The following MYO5B variants were observed in gnomAD, a reference collection of about 807,000 sequenced individuals.
MYO5B encodes the protein myosin VB.
In MYO5B, 143 loss-of-function variants were observed where a neutral mutation model predicts 229.3. The ratio of observed to expected loss-of-function variants is 0.62; its 90% confidence interval spans 0.54 to 0.72. MYO5B has a LOEUF of 0.72. Ranked by LOEUF, MYO5B falls within the 30% of genes least tolerant of loss-of-function variation. The probability of loss-of-function intolerance (pLI) is 0.00; values close to 1 mark genes in which losing one functional copy is unlikely to be tolerated. For synonymous variants in MYO5B, 918 were observed against 885.2 expected (o/e 1.04, Z -0.66); for missense variants, 2,321 against 2,331.0 (o/e 1.00, Z 0.09).
intron 13 of MYO5B, 102 bp downstream of exon 13, chr18:49,954,211 T>C: frequency 1.3e-6 from 2 of 1,549,074 alleles, no homozygotes; most frequent in East Asian, 2.3e-5. Flanking sequence ...CTTCAGGCCA[T>C]TTGAATTCAG....
chr18:49,878,868 T>C (rs769447213), intron 24 of MYO5B, 77 bp downstream of exon 24: 46 of 1,533,686 alleles, frequency 3.0e-5, no homozygotes, highest in Non-Finnish European at 3.8e-5. Flanking sequence ...CAGAAAGCAG[T>C]GCCTGAGATC....
intron 1 of MYO5B, among the ~76,000 whole-genome samples, chr18:50,133,738 CA>C (rs1436848261): frequency 6.6e-6 from 1 of 152,124 alleles, no homozygotes; most frequent in Non-Finnish European, 1.5e-5. Context: ...GGCACTTGGT[CA>C]AAACACAAAG....
intron 35 of MYO5B, 105 bp downstream of exon 35, chr18:49,841,260 A>G (rs1373442179): frequency 9.4e-7 from 1 of 1,063,558 alleles, no homozygotes; most frequent in Non-Finnish European, 1.5e-6. Flanking sequence ...GAGGTCCCCA[A>G]GGGTGCTCCA....
intron 4 of MYO5B, among the ~76,000 whole-genome samples, chr18:50,029,744 A>T (rs543757029): frequency 5.3e-5 from 8 of 152,262 alleles, no homozygotes; most frequent in Admixed American, 4.6e-4. Context: ...TGTTCCCCTC[A>T]AAGTGTGAAG....
intron 1 of MYO5B, among the ~76,000 whole-genome samples, chr18:50,149,222 A>G (rs374353640): frequency 5.5e-4 from 84 of 152,038 alleles, no homozygotes; most frequent in African/African-American, 1.5e-3. Flanking sequence ...ATGCTCATGG[A>G]TAGGAAGAAT....
chr18:50,125,207 G>T (rs886856600), intron 1 of MYO5B, among the ~76,000 whole-genome samples: 1 of 152,062 alleles, frequency 6.6e-6, no homozygotes, highest in Non-Finnish European at 1.5e-5. Context: ...ACTGAACAAT[G>T]AATGTTAAGA....
chr18:50,018,185 A>T, intron 4 of MYO5B, among the ~76,000 whole-genome samples: 1 of 152,160 alleles, frequency 6.6e-6, no homozygotes. Context: ...CCTGGCTTCA[A>T]GCAATCTCCT....
chr18:50,169,299 C>A (rs1364509803), intron 1 of MYO5B, among the ~76,000 whole-genome samples: 1 of 126,840 alleles, frequency 7.9e-6, no homozygotes, highest in Admixed American at 8.5e-5. Context: ...AAGACCTTGT[C>A]TCAAAAAAGA....
chr18:50,024,646 G>A (rs962812897), intron 4 of MYO5B, among the ~76,000 whole-genome samples: 1 of 152,150 alleles, frequency 6.6e-6, no homozygotes, highest in African/African-American at 2.4e-5. Context: ...TGTAATAGGG[G>A]CAGGAGCCAG....
chr18:49,863,214 G>C lies in MYO5B; in HGVS notation c.3944+13C>G. 1 of 1,607,006 alleles carries C rather than the reference G, an allele frequency of 6.2e-7. No homozygotes were observed. Among genetic ancestry groups the C allele is most frequent in the Non-Finnish European group, 8.5e-7 (1 of 1,175,042 alleles). On this transcript the variant is annotated intron_variant, in intron 29 of 39. Transcript: ENST00000285039. ...GCGGCCTCGTCCAGCACATTTGACC[G>C]CGGCGGCCTTACCTGTTTGTCTGGC...
chr18:50,192,486 C>G (rs913544357), intron 1 of MYO5B, among the ~76,000 whole-genome samples: 1 of 152,158 alleles, frequency 6.6e-6, no homozygotes, highest in Non-Finnish European at 1.5e-5. Context: ...AGCCATTTTG[C>G]TTGTTGTCTT....
At chr18:50,048,657 C>A (rs1031678318) in intron 2 of MYO5B, among the ~76,000 whole-genome samples, 9 of 152,172 alleles carry the variant, frequency 5.9e-5, no homozygotes, top group African/African-American at 9.7e-5. Context: ...ATGAAGGTAT[C>A]ATCTCTGCCA....
chr18:49,965,364 G>A (rs1361819828), intron 10 of MYO5B, among the ~76,000 whole-genome samples: 1 of 152,118 alleles, frequency 6.6e-6, no homozygotes, highest in Non-Finnish European at 1.5e-5. Flanking sequence ...AGGCTGAGGG[G>A]TGAGAAGGGC....
chr18:50,184,487 G>A (rs2144353615), intron 1 of MYO5B, among the ~76,000 whole-genome samples: 1 of 152,274 alleles, frequency 6.6e-6, no homozygotes, highest in East Asian at 1.9e-4. Flanking sequence ...GTAGAACACA[G>A]TGGTCAGAAG....
intron 23 of MYO5B, among the ~76,000 whole-genome samples, chr18:49,879,726 G>A (rs1336111533): frequency 6.6e-6 from 1 of 152,206 alleles, no homozygotes; most frequent in African/African-American, 2.4e-5. Context: ...GTGAGTTGAA[G>A]CAGAAACTGG....
At chr18:49,979,218 C>T (rs930201411) in intron 9 of MYO5B, among the ~76,000 whole-genome samples, 1 of 152,176 alleles carries the variant, frequency 6.6e-6, no homozygotes, top group Non-Finnish European at 1.5e-5. Flanking sequence ...AAGGTGAGCA[C>T]CCACACAGGT....
intron 14 of MYO5B, among the ~76,000 whole-genome samples, chr18:49,941,018 A>G (rs958731085): frequency 3.9e-5 from 6 of 152,328 alleles, no homozygotes; most frequent in Admixed American, 1.3e-4. Flanking sequence ...AGAAATTAAC[A>G]CAAGTCAGTG....
chr18:50,098,469 G>A (rs561098711), intron 1 of MYO5B, among the ~76,000 whole-genome samples: 1 of 152,160 alleles, frequency 6.6e-6, no homozygotes, highest in Non-Finnish European at 1.5e-5. Flanking sequence ...TAGGCTGGCT[G>A]TGAGGAAGCA....
chr18:50,066,642 G>A (rs989111623), intron 1 of MYO5B, among the ~76,000 whole-genome samples: 3 of 152,116 alleles, frequency 2.0e-5, no homozygotes, highest in East Asian at 1.9e-4. Flanking sequence ...AAATGTTCCC[G>A]AATCAACACA....
Sources: gnomAD v4.1 joint callset for allele counts (sites outside exome capture counted in the v4.1 genomes callset) on GRCh38, gnomAD v4.1.1 for gene constraint, MANE v1.5 for transcripts, NCBI Gene and HGNC (gene_info 2026-07-23, HGNC 2026-07-21) for gene names.